The following PNPLA7 variants were observed in gnomAD, a reference collection of about 807,000 sequenced individuals.
PNPLA7 encodes the protein patatin-like phospholipase domain-containing protein 7.
In PNPLA7, 153 loss-of-function variants were observed where a neutral mutation model predicts 161.7. The observed-to-expected ratio is 0.95, with a 90% confidence interval of 0.83 to 1.08. The LOEUF is 1.08. Among genes scored for constraint, PNPLA7 ranks in the 50% least tolerant of loss-of-function variants. PNPLA7 has a pLI of 0.00. For missense variants in PNPLA7, 1,739 were observed against 1,856.6 expected, an observed-to-expected ratio of 0.94 and a Z score of 1.16; for synonymous variants, 809 against 782.1, an observed-to-expected ratio of 1.03 and a Z score of -0.57.
intron 11 of PNPLA7, among the ~76,000 whole-genome samples, chr9:137,518,333 A>G (rs1588663939): frequency 1.6e-5 from 1 of 60,980 alleles, no homozygotes; most frequent in East Asian, 5.4e-4. Flanking sequence ...CCACTCACTC[A>G]CTCCACTCTG....
chr9:137,480,881 G>GA (rs1832184729), intron 22 of PNPLA7, 79 bp downstream of exon 22: 4 of 1,416,604 alleles, frequency 2.8e-6, no homozygotes, highest in South Asian at 1.2e-5. Flanking sequence ...GCAGATGCTG[G>GA]ATGTGGACAC....
At position 137,501,818 on chromosome 9, in the gene PNPLA7, C is replaced by T. The variant is rs530845449; in HGVS notation, c.1474-91G>A. ...GCTGCACTGGGCTGTTCAGGGGCAA[C>T]GAGCGGTGAGGCCAGAGGCCGGGCA... On this transcript the variant is annotated intron_variant, in intron 14 of 34. Transcript: ENST00000406427. 6.1e-4 allele frequency: 821 copies of T among 1,345,006 alleles called. 4 individuals are homozygous for T. In the Middle Eastern group the frequency reaches 0.012, roughly 20 times the overall value. The allele number at this position is 1,345,006 out of a possible 1,614,324, so 83.3% of individuals were successfully genotyped here.
intron 8 of PNPLA7, among the ~76,000 whole-genome samples, chr9:137,527,186 GA>G (rs1265734274): frequency 8.3e-5 from 11 of 131,976 alleles, no homozygotes; most frequent in Non-Finnish European, 1.7e-4. Flanking sequence ...AGAATTGCTT[GA>G]ATCAGAGGGG....
At chr9:137,548,220 C>T (rs1466694308) in intron 1 of PNPLA7, among the ~76,000 whole-genome samples, 2 of 152,044 alleles carry the variant, frequency 1.3e-5, no homozygotes, top group African/African-American at 4.8e-5. Context: ...CAGCAGAGGA[C>T]GCTGGTGGTT....
Position 137,543,911 on chromosome 9 carries a change from C to A in PNPLA7, c.274-96G>T. 4.0e-6 allele frequency: 4 copies of A among 998,872 alleles called. No homozygotes were observed. The highest frequency in any genetic ancestry group is 1.4e-5 in the South Asian group (1 of 74,030). The allele number at this position is 998,872 out of a possible 1,614,324, so 61.9% of individuals were successfully genotyped here. On this transcript the variant is annotated intron_variant, in intron 4 of 34. Coordinates refer to ENST00000406427, the MANE Select transcript of PNPLA7 (RefSeq NM_001098537.3). This position sits in a 1 kb window ranked among gnomAD's most constrained non-coding sequence, Gnocchi z 6.9. ...TCAGTCCTCAGGACCTGCCTGTGGGCCTCCCACAGTCCCAGCTTCAGCTCC... is the reference window on the plus strand; with the variant it reads ...TCAGTCCTCAGGACCTGCCTGTGGGACTCCCACAGTCCCAGCTTCAGCTCC...
At chr9:137,501,856 G>C (rs761511463) in intron 14 of PNPLA7, 129 bp from the exon 15 acceptor site, 17 of 909,418 alleles carry the variant, frequency 1.9e-5, no homozygotes, top group Non-Finnish European at 1.5e-5. Flanking sequence ...GCCCTCCTCC[G>C]AGGCTGTCCT....
In PNPLA7 at chr9:137,467,719, A is replaced by G. The variant is rs1224611301; in HGVS notation, c.2883-246T>C. Among the ~76,000 whole-genome samples, 3 of 152,148 alleles carry G rather than the reference A, an allele frequency of 2.0e-5. No individual in the cohort carries two copies. The highest frequency in any genetic ancestry group is 2.9e-5 in the Non-Finnish European group (2 of 68,026). The stretch of plus-strand genomic sequence containing the variant: ...TCGAGACCAGCCTGGCCAACAGGGC[A>G]AAATTCCATCTCTACTAAAAATACT... On this transcript the variant is annotated intron_variant, in intron 25 of 34. Transcript: ENST00000406427. This position sits in a 1 kb window ranked among gnomAD's most constrained non-coding sequence, Gnocchi z 5.1.
Position 137,535,470 on chromosome 9 carries a change from C to T in PNPLA7, c.747+5172G>A, listed in dbSNP as rs150004003. On this transcript the variant is annotated intron_variant, in intron 8 of 34. Transcript: ENST00000406427. ...AAGATACTTTTTTAAAAAGAACATT[C>T]AGGGCCAGGCGCAGTGGCTCACACC... 3.4e-3 allele frequency among the ~76,000 whole-genome samples: 513 copies of T among 152,200 alleles called. 2 individuals are homozygous for T. The highest frequency in any genetic ancestry group is 0.014 in the Middle Eastern group (4 of 294).
chr9:137,533,101 C>A (rs1254619581), intron 8 of PNPLA7, among the ~76,000 whole-genome samples: 1 of 151,696 alleles, frequency 6.6e-6, no homozygotes, highest in Non-Finnish European at 1.5e-5. Flanking sequence ...AGTGTCCACT[C>A]CAGACGGGAG....
intron 34 of PNPLA7, 72 bp downstream of exon 34, chr9:137,460,562 G>T (rs1187160321): frequency 1.3e-6 from 2 of 1,594,500 alleles, no homozygotes; most frequent in East Asian, 4.5e-5. Flanking sequence ...CACAGGGAGG[G>T]AGTGGCCGGC....
In PNPLA7 at chr9:137,522,292, T is replaced by C. The variant is rs558243533; in HGVS notation, c.876+437A>G. On this transcript the variant is annotated intron_variant, in intron 9 of 34. Coordinates refer to ENST00000406427, the MANE Select transcript of PNPLA7 (RefSeq NM_001098537.3). ...GGTTTCACCGTGTGAGCCAGGATGG[T>C]CTCGATCTCCTGACCTCGTGATCCG... 5.1e-4 allele frequency among the ~76,000 whole-genome samples: 76 copies of C among 150,010 alleles called. 3 individuals carry two copies. The East Asian group carries it at 0.013, about 27-fold the overall frequency.
rs757879954 is a variant in PNPLA7, at chr9:137,461,594, G to A, written c.3783C>T (p.Phe1261=). 1.7e-5 allele frequency: 27 copies of A among 1,612,690 alleles called. No homozygotes were observed. Among genetic ancestry groups the A allele is most frequent in the South Asian group, 2.2e-5 (2 of 91,012 alleles). The part of the protein sequence containing the change: ...SAVLTCPNAS[F]TDLAEIVSRI... ...GAGACACAATTTCGGCAAGGTCCGTGAAGGAGGCGTTGGGACAGGTGAGGA... is the reference window on the plus strand; with the variant it reads ...GAGACACAATTTCGGCAAGGTCCGTAAAGGAGGCGTTGGGACAGGTGAGGA... The change falls in exon 33 of 35, where the codon TTC becomes TTT. Residue 1261 remains phenylalanine (F), a synonymous_variant. Coordinates refer to ENST00000406427, the MANE Select transcript of PNPLA7 (RefSeq NM_001098537.3).
chr9:137,501,230 C>T (rs1205950506), intron 15 of PNPLA7, among the ~76,000 whole-genome samples: 1 of 152,232 alleles, frequency 6.6e-6, no homozygotes, highest in East Asian at 1.9e-4. Context: ...CCCATGCCGC[C>T]TCGCCTGGGG....
rs4962240 is a variant in PNPLA7 at position 137,461,922 on chromosome 9, C to T, written c.3756+9G>A. ...GGGAGCTGGGCGTGGTCCGGACGCC[C>T]GTACTCACCGCACTCGCGGGCTTCT... On this transcript the variant is annotated intron_variant, in intron 32 of 34. Transcript: ENST00000406427. The T allele has an allele frequency of 6.4e-7, 1 of 1,554,194 alleles. No individual in the cohort carries two copies. Among genetic ancestry groups the T allele is most frequent in the South Asian group, 1.2e-5 (1 of 84,272 alleles).
intron 12 of PNPLA7, among the ~76,000 whole-genome samples, chr9:137,513,985 CG>C (rs1564338360): frequency 6.6e-6 from 1 of 152,272 alleles, no homozygotes; most frequent in Non-Finnish European, 1.5e-5. Flanking sequence ...GGCAGGAGCA[CG>C]GCTGCACTGC....
At chr9:137,504,211 GA>G (rs539385911) in intron 14 of PNPLA7, among the ~76,000 whole-genome samples, 1 of 150,754 alleles carries the variant, frequency 6.6e-6, no homozygotes, top group East Asian at 1.9e-4. Context: ...GAAGAAGAGA[GA>G]TTTTTTTTTT....
At chr9:137,514,365 A>C (rs1265371496) in intron 12 of PNPLA7, among the ~76,000 whole-genome samples, 15 of 94,180 alleles carry the variant, frequency 1.6e-4, no homozygotes, top group African/African-American at 3.3e-4. Context: ...GGTCACCCGG[A>C]TGTTGAGGTG....
chr9:137,522,232 G>GTC (rs1835043396), intron 9 of PNPLA7, among the ~76,000 whole-genome samples: 1 of 152,162 alleles, frequency 6.6e-6, no homozygotes, highest in Non-Finnish European at 1.5e-5. Flanking sequence ...CCGCCACCAC[G>GTC]CCTGGCTAAT....
At chr9:137,513,906 G>A (rs945007856) in intron 12 of PNPLA7, among the ~76,000 whole-genome samples, 1 of 152,250 alleles carries the variant, frequency 6.6e-6, no homozygotes, top group Non-Finnish European at 1.5e-5. Context: ...AGATGGAACC[G>A]AATACAGCAG....
Sources: gnomAD v4.1 joint callset for allele counts (sites outside exome capture counted in the v4.1 genomes callset) on GRCh38, gnomAD v4.1.1 for gene constraint, Gnocchi (gnomAD v3.1) non-coding constraint, MANE v1.5 for transcripts, NCBI Gene and HGNC (gene_info 2026-07-23, HGNC 2026-07-21) for gene names.